The following USP37 variants were observed in gnomAD, a reference collection of about 807,000 sequenced individuals.
The protein encoded by USP37 is ubiquitin specific peptidase 37.
A neutral mutation model predicts 124.0 loss-of-function variants in USP37; 27 were observed. The observed-to-expected ratio is 0.22, with a 90% CI of 0.16 to 0.30. The LOEUF (loss-of-function observed/expected upper bound fraction) is 0.30, where lower values mean the gene tolerates loss of function less well. Among genes scored for constraint, USP37 ranks in the 10% least tolerant of loss-of-function variants. The pLI, the probability that USP37 is intolerant of heterozygous loss-of-function variation, is 1.00. For synonymous variants in USP37, 365 were observed against 388.0 expected, an observed-to-expected ratio of 0.94 and a Z score of 0.70; for missense variants, 889 against 1,140.4, an observed-to-expected ratio of 0.78 and a Z score of 3.17.
chr2:218,497,221 C>T (rs1379649737), intron 13 of USP37, among the ~76,000 whole-genome samples: 1 of 151,714 alleles, frequency 6.6e-6, no homozygotes, highest in African/African-American at 2.4e-5. Context: ...CAGGCATGTG[C>T]CACCATGCCC....
chr2:218,495,303 G>A (rs1020356269), intron 14 of USP37, among the ~76,000 whole-genome samples: 9 of 152,054 alleles, frequency 5.9e-5, no homozygotes, highest in Admixed American at 4.6e-4. Context: ...CACCACACCT[G>A]CCTAATTTTT....
At chr2:218,539,807 C>T (rs910857230) in intron 8 of USP37, among the ~76,000 whole-genome samples, 3 of 151,780 alleles carry the variant, frequency 2.0e-5, no homozygotes, top group South Asian at 2.1e-4. Context: ...GTCAGGAGTT[C>T]GAGACCAGCC....
chr2:218,494,162 T>C (rs939528284), intron 14 of USP37, among the ~76,000 whole-genome samples: 3 of 152,218 alleles, frequency 2.0e-5, no homozygotes, highest in African/African-American at 7.2e-5. Flanking sequence ...TGTCACAGAC[T>C]ACTGATGCAA....
At chr2:218,470,042 G>A (rs369328369) in intron 20 of USP37, among the ~76,000 whole-genome samples, 665 of 151,884 alleles carry the variant, frequency 4.4e-3, no homozygotes, top group Non-Finnish European at 7.5e-3. Context: ...GGATGGTCTC[G>A]ATCTCCTGAC....
At chr2:218,511,181 C>A (rs1467789364) in intron 10 of USP37, among the ~76,000 whole-genome samples, 1 of 151,944 alleles carries the variant, frequency 6.6e-6, no homozygotes, top group South Asian at 2.1e-4. Flanking sequence ...GCTCTGTCAC[C>A]CAGGCTGAAG....
chr2:218,520,169 C>T lies in USP37; in HGVS notation c.863+9787G>A, dbSNP rs368714112. ...TCCAGGCTGGTCTCGAACTCCTGAC[C>T]TCATGTGATCCACCCACCCACCTCA... On this transcript the variant is annotated intron_variant, in intron 10 of 25. Coordinates refer to ENST00000258399, the MANE Select transcript of USP37 (RefSeq NM_020935.3). Among the ~76,000 whole-genome samples the T allele has an allele frequency of 5.9e-5, 9 of 152,000 alleles. No homozygotes were observed. The East Asian group carries it at 1.7e-3, about 29-fold the overall frequency.
At chr2:218,525,211 T>C (rs1048628502) in intron 10 of USP37, among the ~76,000 whole-genome samples, 6 of 152,250 alleles carry the variant, frequency 3.9e-5, no homozygotes, top group Non-Finnish European at 7.3e-5. Context: ...TCAGGTGCAG[T>C]CGCTCGTGCC....
intron 11 of USP37, among the ~76,000 whole-genome samples, chr2:218,509,379 C>T (rs1047229549): frequency 5.9e-5 from 9 of 151,788 alleles, no homozygotes; most frequent in South Asian, 2.1e-4. Context: ...AGACTTGTTG[C>T]GAAGATTTAA....
chr2:218,472,036 GAA>G (rs59108521), intron 20 of USP37, among the ~76,000 whole-genome samples: 2,326 of 138,224 alleles, frequency 0.017, 61 homozygotes, highest in African/African-American at 0.05. Context: ...TCCGCCCCAG[GAA>G]AAAAAAAAAA....
chr2:218,460,927 G>T (rs557449699), intron 22 of USP37, among the ~76,000 whole-genome samples: 6 of 151,568 alleles, frequency 4.0e-5, no homozygotes, highest in Admixed American at 2.6e-4. Context: ...GTGACAGAGC[G>T]AGACTCTGTC....
intron 5 of USP37, among the ~76,000 whole-genome samples, chr2:218,550,689 T>A (rs900489817): frequency 1.3e-5 from 2 of 151,776 alleles, no homozygotes; most frequent in Non-Finnish European, 2.9e-5. Context: ...GTATCTTGCT[T>A]CCCCTCACAC....
At chr2:218,525,666 G>A (rs917516485) in intron 10 of USP37, among the ~76,000 whole-genome samples, 15 of 152,086 alleles carry the variant, frequency 9.9e-5, no homozygotes, top group African/African-American at 3.6e-4. Context: ...CTTTCGGGTA[G>A]CTTCTAAAAT....
chr2:218,503,444 C>T (rs1005900546), intron 11 of USP37, among the ~76,000 whole-genome samples: 1 of 152,180 alleles, frequency 6.6e-6, no homozygotes, highest in African/African-American at 2.4e-5. Context: ...GGGCTGGGCG[C>T]GGTGGCTCAC....
chr2:218,474,512 C>T (rs759645934), intron 20 of USP37, 118 bp downstream of exon 20: 4 of 1,424,744 alleles, frequency 2.8e-6, no homozygotes, highest in African/African-American at 1.4e-5. Context: ...GGGTCACACA[C>T]CACCATGCTC....
intron 17 of USP37, among the ~76,000 whole-genome samples, chr2:218,481,595 C>A (rs553266557): frequency 3.9e-5 from 6 of 152,050 alleles, no homozygotes; most frequent in East Asian, 1.9e-4. Flanking sequence ...GCATTTTCTT[C>A]AATTACTTCA....
intron 3 of USP37, among the ~76,000 whole-genome samples, chr2:218,559,946 T>C (rs1693224352): frequency 6.6e-6 from 1 of 152,020 alleles, no homozygotes; most frequent in East Asian, 1.9e-4. Flanking sequence ...CACCACTCAA[T>C]TCCAGCCTAG....
At chr2:218,553,486 T>C in intron 5 of USP37, 67 bp downstream of exon 5, 8 of 1,392,168 alleles carry the variant, frequency 5.7e-6, no homozygotes, top group Non-Finnish European at 7.7e-6. Context: ...AGTTGAATAT[T>C]GGTCTGTAGT....
chr2:218,493,380 A>G (rs1035802078), intron 14 of USP37, among the ~76,000 whole-genome samples: 5 of 152,184 alleles, frequency 3.3e-5, no homozygotes, highest in African/African-American at 1.2e-4. Context: ...TGATGCACAT[A>G]CCTCAACTGC....
intron 20 of USP37, among the ~76,000 whole-genome samples, chr2:218,474,158 G>C (rs1009291653): frequency 2.0e-5 from 3 of 152,152 alleles, no homozygotes; most frequent in Admixed American, 6.5e-5. Flanking sequence ...GGTGAGAAAA[G>C]CACCTCAGAA....
Sources: gnomAD v4.1 joint callset for allele counts (sites outside exome capture counted in the v4.1 genomes callset) on GRCh38, gnomAD v4.1.1 for gene constraint, MANE v1.5 for transcripts, NCBI Gene and HGNC (gene_info 2026-07-23, HGNC 2026-07-21) for gene names.